Variants in VSIG10L2 observed in about 807,000 individuals in gnomAD.
VSIG10L2 encodes the protein V-set and immunoglobulin domain containing 10 like 2.
A neutral mutation model predicts 67.1 loss-of-function variants in VSIG10L2; 56 were observed. The ratio of observed to expected loss-of-function variants is 0.83; its 90% confidence interval spans 0.67 to 1.04. VSIG10L2 has a LOEUF of 1.04. Among genes scored for constraint, VSIG10L2 ranks in the 50% least tolerant of loss-of-function variants. The probability of loss-of-function intolerance (pLI) is 0.00; values close to 1 mark genes in which losing one functional copy is unlikely to be tolerated. For synonymous variants in VSIG10L2, 360 were observed against 396.6 expected (o/e 0.91, Z 1.10); for missense variants, 843 against 932.8 (o/e 0.90, Z 1.25).
chr11:125,954,292 G>T lies in VSIG10L2; in HGVS notation c.1992G>T (p.Leu664=), dbSNP rs1016733589. 54 of 1,232,114 alleles carry T rather than the reference G, an allele frequency of 4.4e-5. No homozygotes were observed. The highest frequency in any genetic ancestry group is 5.2e-5 in the Non-Finnish European group (51 of 988,058). 76.3% of individuals were successfully genotyped at this position (1,232,114 alleles called of 1,614,324 possible). ...AGCCAGAGAGCCGAGGACGGCGGCT[G>T]GGGGGCTTGGACCCCGGGGTCCTTT... The part of the protein sequence containing the change: ...DIEPESRGRR[L]GGLDPGVLYA... The change falls in exon 8 of 12, where the codon CTG becomes CTT. Residue 664 remains leucine, a synonymous_variant. Coordinates refer to ENST00000686984, the MANE Select transcript of VSIG10L2 (RefSeq NM_001365077.2).
intron 3 of VSIG10L2, among the ~76,000 whole-genome samples, chr11:125,949,175 T>C (rs1364158301): frequency 6.6e-6 from 1 of 152,264 alleles, no homozygotes; most frequent in Non-Finnish European, 1.5e-5. Flanking sequence ...ATATTGATTA[T>C]ATATTGAAAT....
intron 6 of VSIG10L2, among the ~76,000 whole-genome samples, chr11:125,952,898 C>A (rs1479370112): frequency 1.3e-5 from 2 of 152,246 alleles, no homozygotes; most frequent in East Asian, 3.8e-4. Flanking sequence ...GAGGTCTCAA[C>A]CCCAAATATT....
At chr11:125,953,353 T>C (rs1945403765) in intron 6 of VSIG10L2, 47 bp from the exon 7 acceptor site, 1 of 1,229,618 alleles carries the variant, frequency 8.1e-7, no homozygotes, top group Non-Finnish European at 1.0e-6. Flanking sequence ...CAGCACCTTG[T>C]CCCCAAGCCC....
chr11:125,952,857 T>A (rs2134306338), intron 6 of VSIG10L2, among the ~76,000 whole-genome samples: 1 of 152,354 alleles, frequency 6.6e-6, no homozygotes, highest in South Asian at 2.1e-4. Context: ...CTCCAAAGGC[T>A]TGGTAACTAG....
intron 1 of VSIG10L2, among the ~76,000 whole-genome samples, chr11:125,947,024 G>A (rs1945309505): frequency 6.6e-6 from 1 of 152,160 alleles, no homozygotes; most frequent in Non-Finnish European, 1.5e-5. Context: ...TTAATGGCTG[G>A]TCCCTGATAG....
Position 125,954,310 on chromosome 11 carries a change from G to T in VSIG10L2, c.2010G>T (p.Gly670=). The change falls in exon 8 of 12, where the codon GGG becomes GGT. Residue 670 remains glycine, a synonymous_variant. Coordinates refer to ENST00000686984, the MANE Select transcript of VSIG10L2 (RefSeq NM_001365077.2). ...RGRRLGGLDP[G]VLYAFRILAL... ...GGCGGCTGGGGGGCTTGGACCCCGG[G>T]GTCCTTTATGCCTTCCGCATCCTGG... is the stretch of plus-strand genomic sequence containing the variant. 2.4e-6 allele frequency: 3 copies of T among 1,232,044 alleles called. No individual in the cohort carries two copies. Among genetic ancestry groups the T allele is most frequent in the Non-Finnish European group, 3.0e-6 (3 of 987,986 alleles). 76.3% of individuals were successfully genotyped at this position (1,232,044 alleles called of 1,614,324 possible).
At position 125,953,479 on chromosome 11, in the gene VSIG10L2, C is replaced by T. The variant is rs149046052; in HGVS notation, c.1575C>T (p.Arg525=). Residue 525 remains arginine, a synonymous_variant, in exon 7 of 12, where the codon CGC becomes CGT. Coordinates refer to ENST00000686984, the MANE Select transcript of VSIG10L2 (RefSeq NM_001365077.2). ...AGGCCTGGCTGGAGTGCTCTCTCCG[C>T]GGGGGCACACCACCTGCCCAGCTCC... ...GGEAWLECSL[R]GGTPPAQLLW... The T allele has an allele frequency of 4.3e-5, 53 of 1,232,298 alleles. 1 individual carries two copies. The South Asian group carries it at 6.2e-4, about 14-fold the overall frequency. The allele number at this position is 1,232,298 out of a possible 1,614,324, so 76.3% of individuals were successfully genotyped here. A position where few individuals can be genotyped will look rare whatever the true frequency, so the allele number is the denominator to read the frequency against.
chr11:125,946,889 A>G lies in VSIG10L2; in HGVS notation c.82+752A>G, dbSNP rs1217417270. On this transcript the variant is annotated intron_variant, in intron 1 of 11. Transcript: ENST00000686984. This position sits in a 1 kb window ranked among gnomAD's most constrained non-coding sequence, Gnocchi z 4.4. ...GCTGAGGTCCTCAGCACTTCATGGCATGAGGCCCACCCTGGCCACATGTGA... is the reference window on the plus strand; with the variant it reads ...GCTGAGGTCCTCAGCACTTCATGGCGTGAGGCCCACCCTGGCCACATGTGA... Among the ~76,000 whole-genome samples, 1 of 152,144 alleles carries G rather than the reference A, an allele frequency of 6.6e-6. No homozygotes were observed. Among genetic ancestry groups the G allele is most frequent in the Non-Finnish European group, 1.5e-5 (1 of 68,020 alleles).
chr11:125,947,362 T>G, intron 1 of VSIG10L2: 1 of 934,280 alleles, frequency 1.1e-6, no homozygotes, highest in Non-Finnish European at 1.3e-6. Flanking sequence ...CCACTGGGAG[T>G]GTCTGACTTG....
In VSIG10L2 at chr11:125,956,139, G is replaced by A; in HGVS notation, c.*225G>A. 1 of 662,352 alleles carries A rather than the reference G, an allele frequency of 1.5e-6. No homozygotes were observed. The highest frequency in any genetic ancestry group is 2.8e-6 in the Non-Finnish European group (1 of 360,490). 41.0% of individuals were successfully genotyped at this position (662,352 alleles called of 1,614,324 possible). A position where few individuals can be genotyped will look rare whatever the true frequency, so the allele number is the denominator to read the frequency against. ...ACCTTGTGGAAGACAGAGGTGGCAG[G>A]ACAAGGAAGAGGACCCACAATGGGG... On this transcript the variant is annotated 3_prime_UTR_variant, in exon 12 of 12. Coordinates refer to ENST00000686984, the MANE Select transcript of VSIG10L2 (RefSeq NM_001365077.2).
chr11:125,953,783 C>A, intron 7 of VSIG10L2, 93 bp downstream of exon 7: 2 of 1,189,228 alleles, frequency 1.7e-6, no homozygotes, highest in South Asian at 8.8e-5. Context: ...ACAAGGATTC[C>A]CTGCTCCAAA....
chr11:125,948,439 C>T lies in VSIG10L2; in HGVS notation c.568C>T (p.Leu190Phe). 4 of 1,232,434 alleles carry T rather than the reference C, an allele frequency of 3.2e-6. No homozygotes were observed. Among genetic ancestry groups the T allele is most frequent in the Non-Finnish European group, 4.0e-6 (4 of 988,192 alleles). The allele number at this position is 1,232,434 out of a possible 1,614,324, so 76.3% of individuals were successfully genotyped here. Residue 190 changes from leucine to phenylalanine, a missense_variant, in exon 3 of 12, where the codon CTT becomes TTT. Leu to Phe is a conservative substitution (Grantham distance 22). Transcript: ENST00000686984. The stretch of plus-strand genomic sequence containing the variant: ...CTGGCAGCATCGGGCACCCCGAGGC[C>T]TTGGAGAGGCCCTGGTGGGGGTCAC... ...FAWQHRAPRGLGEALVGVTEP... is the reference protein window; with the variant it reads ...FAWQHRAPRGFGEALVGVTEP...
rs1478348188 is a variant in VSIG10L2, at chr11:125,948,383, T to G, written c.512T>G (p.Val171Gly). ...GCCTCCGTGGTGGCCACGTGTGCAGTGCGGGAGGGCACAGAGCCCGTGACC... is the reference window on the plus strand; with the variant it reads ...GCCTCCGTGGTGGCCACGTGTGCAGGGCGGGAGGGCACAGAGCCCGTGACC... ...EGASVVATCA[V>G]REGTEPVTFA... Residue 171 changes from valine to glycine, a missense_variant, in exon 3 of 12, where the codon GTG becomes GGG. By Grantham distance (109) the Val-to-Gly change is moderately radical. Coordinates refer to ENST00000686984, the MANE Select transcript of VSIG10L2 (RefSeq NM_001365077.2). 2 of 1,232,264 alleles carry G rather than the reference T, an allele frequency of 1.6e-6. No individual in the cohort carries two copies. Among genetic ancestry groups the G allele is most frequent in the African/African-American group, 3.1e-5 (2 of 64,416 alleles). 76.3% of individuals were successfully genotyped at this position (1,232,264 alleles called of 1,614,324 possible).
At chr11:125,952,543 G>A (rs1236633431) in intron 6 of VSIG10L2, among the ~76,000 whole-genome samples, 1 of 152,130 alleles carries the variant, frequency 6.6e-6, no homozygotes, top group Non-Finnish European at 1.5e-5. Flanking sequence ...TGACGTGGCT[G>A]GTCACTACAA....
chr11:125,954,992 C>G (rs992714116), intron 8 of VSIG10L2, 65 bp from the exon 9 acceptor site: 1 of 1,229,998 alleles, frequency 8.1e-7, no homozygotes, highest in Non-Finnish European at 1.0e-6. Flanking sequence ...TGGTTCCCTA[C>G]GAGCCACTGT....
rs1591531945 is a variant in VSIG10L2, at chr11:125,955,140, G to C, written c.2167G>C (p.Val723Leu). ...MVVATVASLL[V>L]FQYAARHPET... ...GGTAGCAACGGTGGCCTCTCTACTG[G>C]TGTTCCAGTATGCTGCCCGGCACCC... Residue 723 changes from valine (V) to leucine (L), a missense_variant, in exon 9 of 12, where the codon GTG (valine) becomes CTG (leucine). Around this residue, in one of 2 missense-constraint regions of VSIG10L2, gnomAD observed 397 missense variants for 384.4 expected, o/e 1.03. Coordinates refer to ENST00000686984, the MANE Select transcript of VSIG10L2 (RefSeq NM_001365077.2). The C allele has an allele frequency of 8.0e-7, 1 of 1,247,066 alleles. No homozygotes were observed. The highest frequency in any genetic ancestry group is 1.0e-6 in the Non-Finnish European group (1 of 997,066). The allele number at this position is 1,247,066 out of a possible 1,614,324, so 77.3% of individuals were successfully genotyped here.
Position 125,948,530 on chromosome 11 carries a change from G to GC in VSIG10L2, c.660dup (p.Asn221GlnfsTer9). 9 of 1,232,196 alleles carry GC rather than the reference G, an allele frequency of 7.3e-6. No individual in the cohort carries two copies. Among genetic ancestry groups the GC allele is most frequent in the Non-Finnish European group, 9.1e-6 (9 of 988,002 alleles). The allele number at this position is 1,232,196 out of a possible 1,614,324, so 76.3% of individuals were successfully genotyped here. A position where few individuals can be genotyped will look rare whatever the true frequency, so the allele number is the denominator to read the frequency against. ...CTAGGGTGGTACATGTGCAGCGCCA[G>GC]CAACTCCGTGAACAGGCTGAGCAGT... On this transcript the variant is annotated frameshift_variant, in exon 3 of 12. Coordinates refer to ENST00000686984, the MANE Select transcript of VSIG10L2 (RefSeq NM_001365077.2). LOFTEE classifies it high-confidence loss of function.
In VSIG10L2 at chr11:125,953,941, A is replaced by G. The variant is rs1237340109; in HGVS notation, c.1787-146A>G. 4 of 733,166 alleles carry G rather than the reference A, an allele frequency of 5.5e-6. No individual in the cohort carries two copies. In the African/African-American group the frequency reaches 7.3e-5, roughly 13 times the overall value. The allele number at this position is 733,166 out of a possible 1,614,324, so 45.4% of individuals were successfully genotyped here. ...TATAGATGAAAAAAACTGATGGGAC[A>G]AGGCAGGGCTTCTCAGGTCCACAGA... is the stretch of plus-strand genomic sequence containing the variant. On this transcript the variant is annotated intron_variant, in intron 7 of 11. Transcript: ENST00000686984.
At chr11:125,952,569 A>G (rs1403541266) in intron 6 of VSIG10L2, among the ~76,000 whole-genome samples, 1 of 152,194 alleles carries the variant, frequency 6.6e-6, no homozygotes, top group Non-Finnish European at 1.5e-5. Context: ...GATAGCACTG[A>G]TCTAGATGAA....
Sources: gnomAD v4.1 joint callset for allele counts (sites outside exome capture counted in the v4.1 genomes callset) on GRCh38, gnomAD v4.1.1 for gene constraint, gnomAD v4.1.1 regional missense constraint, Gnocchi (gnomAD v3.1) non-coding constraint, MANE v1.5 for transcripts, NCBI Gene and HGNC (gene_info 2026-07-23, HGNC 2026-07-21) for gene names.